SRRM4: variants seen among roughly 807,000 people sequenced by gnomAD.
The protein encoded by SRRM4 is serine/arginine repetitive matrix 4.
Under a neutral mutation model 68.9 loss-of-function variants are expected in SRRM4, and 33 were observed. The observed-to-expected ratio is 0.48, with a 90% CI of 0.36 to 0.64. The LOEUF (loss-of-function observed/expected upper bound fraction) is 0.64, where lower values mean the gene tolerates loss of function less well. Ranked by LOEUF, SRRM4 falls within the 30% of genes least tolerant of loss-of-function variation. SRRM4 has a pLI of 0.00. For synonymous variants in SRRM4, 318 were observed against 318.8 expected (o/e 1.00, Z 0.03); for missense variants, 817 against 827.1 (o/e 0.99, Z 0.15).
At chr12:119,064,815 G>C (rs551471055) in intron 1 of SRRM4, among the ~76,000 whole-genome samples, 8 of 152,134 alleles carry the variant, frequency 5.3e-5, no homozygotes, top group Non-Finnish European at 2.9e-5. Flanking sequence ...ATAAATTTGT[G>C]GAAAAGGGGG....
At chr12:118,985,067 C>G (rs1594013812) in intron 1 of SRRM4, among the ~76,000 whole-genome samples, 1 of 152,292 alleles carries the variant, frequency 6.6e-6, no homozygotes. Context: ...CTTATAGTGG[C>G]CAAAAGGAAA....
intron 1 of SRRM4, among the ~76,000 whole-genome samples, chr12:119,024,752 TC>T (rs879861708): frequency 1.2e-4 from 18 of 152,188 alleles, no homozygotes; most frequent in Admixed American, 2.0e-4. Context: ...TGCCTTAGGA[TC>T]TTTTCCAATC....
chr12:118,990,103 T>G (rs1953307232), intron 1 of SRRM4: 1 of 152,150 alleles, frequency 6.6e-6, no homozygotes, highest in Non-Finnish European at 1.5e-5. Flanking sequence ...AGAAGAGAGG[T>G]GTCTTCAAGA....
At chr12:119,062,885 T>C (rs913159643) in intron 1 of SRRM4, among the ~76,000 whole-genome samples, 1 of 152,230 alleles carries the variant, frequency 6.6e-6, no homozygotes, top group African/African-American at 2.4e-5. Flanking sequence ...TAGTTTCTCA[T>C]ATGCAAAATG....
rs1489304304 is a variant in SRRM4, at chr12:119,077,331, T to C, written c.132-24905T>C. Reference sequence around the variant, plus strand: ...ACACAACTGTCCTAGGTGATTTTGATATAAGTGATCCATGGGCCACACTGA... The same window carrying C: ...ACACAACTGTCCTAGGTGATTTTGACATAAGTGATCCATGGGCCACACTGA... On this transcript the variant is annotated intron_variant, in intron 1 of 12. Transcript: ENST00000267260. 1.2e-4 allele frequency among the ~76,000 whole-genome samples: 19 copies of C among 152,322 alleles called. No individual in the cohort carries two copies. The South Asian group carries it at 3.9e-3, about 32-fold the overall frequency.
chr12:118,998,589 A>G (rs1953364457), intron 1 of SRRM4, among the ~76,000 whole-genome samples: 1 of 152,228 alleles, frequency 6.6e-6, no homozygotes, highest in African/African-American at 2.4e-5. Context: ...ATTTCATTTA[A>G]TGTTATCACT....
At chr12:119,132,103 T>C (rs1954301885) in intron 8 of SRRM4, among the ~76,000 whole-genome samples, 1 of 152,230 alleles carries the variant, frequency 6.6e-6, no homozygotes, top group Non-Finnish European at 1.5e-5. Flanking sequence ...TGGAACCATC[T>C]GCAACTGTCC....
intron 8 of SRRM4, among the ~76,000 whole-genome samples, chr12:119,142,026 T>C (rs1954368434): frequency 6.6e-6 from 1 of 152,132 alleles, no homozygotes; most frequent in Non-Finnish European, 1.5e-5. Context: ...GGAAATGGCA[T>C]GTGCAAATGG....
At chr12:119,034,306 G>A (rs559772883) in intron 1 of SRRM4, among the ~76,000 whole-genome samples, 1 of 152,176 alleles carries the variant, frequency 6.6e-6, no homozygotes, top group African/African-American at 2.4e-5. Context: ...CCTCTTCAGT[G>A]GGAACAGACT....
At chr12:118,998,940 A>G (rs549984273) in intron 1 of SRRM4, among the ~76,000 whole-genome samples, 4 of 152,332 alleles carry the variant, frequency 2.6e-5, no homozygotes, top group African/African-American at 9.6e-5. Flanking sequence ...TGGGGTATAA[A>G]GAGATTTTGT....
At chr12:119,108,065 G>T (rs528403148) in intron 2 of SRRM4, among the ~76,000 whole-genome samples, 2 of 152,012 alleles carry the variant, frequency 1.3e-5, no homozygotes, top group Non-Finnish European at 1.5e-5. Flanking sequence ...CCTTCATTTC[G>T]TTATGTACCC....
chr12:119,130,315 G>T (rs1592910241), intron 7 of SRRM4, among the ~76,000 whole-genome samples: 1 of 151,604 alleles, frequency 6.6e-6, no homozygotes, highest in Admixed American at 6.6e-5. Flanking sequence ...TGGATGGTTA[G>T]ATGGAGGGAT....
intron 1 of SRRM4, among the ~76,000 whole-genome samples, chr12:119,029,245 G>A (rs1183046090): frequency 1.3e-5 from 2 of 152,172 alleles, no homozygotes; most frequent in Non-Finnish European, 2.9e-5. Flanking sequence ...CAAAGGACAA[G>A]GACAGTGATT....
chr12:119,108,729 G>A (rs1371568664), intron 2 of SRRM4, among the ~76,000 whole-genome samples: 5 of 152,040 alleles, frequency 3.3e-5, no homozygotes, highest in African/African-American at 1.2e-4. Context: ...CAGGTGAGAT[G>A]GGTCTCTTGA....
At chr12:119,149,175 C>T (rs1237343982) in intron 9 of SRRM4, among the ~76,000 whole-genome samples, 2 of 152,148 alleles carry the variant, frequency 1.3e-5, no homozygotes, top group Admixed American at 6.5e-5. Flanking sequence ...TGGTGAAACC[C>T]CATTTCTACT....
At chr12:119,156,437 C>T in intron 12 of SRRM4, 58 bp from the exon 13 acceptor site, 1 of 1,509,458 alleles carries the variant, frequency 6.6e-7, no homozygotes, top group Non-Finnish European at 8.9e-7. Flanking sequence ...GACTGGGGCT[C>T]GCTGCGGGGA....
intron 1 of SRRM4, 100 bp downstream of exon 1, chr12:118,982,113 G>A (rs745455436): frequency 2.8e-6 from 4 of 1,438,478 alleles, no homozygotes; most frequent in Non-Finnish European, 3.7e-6. Context: ...GGGCCAGGGC[G>A]CCTGTCTTTT....
intron 1 of SRRM4, among the ~76,000 whole-genome samples, chr12:119,060,290 T>C (rs1303499307): frequency 6.6e-6 from 1 of 150,950 alleles, no homozygotes; most frequent in East Asian, 2.0e-4. Flanking sequence ...ATGAACAAAA[T>C]AGGAGAAAAT....
At chr12:119,032,753 G>C (rs1953599831) in intron 1 of SRRM4, among the ~76,000 whole-genome samples, 1 of 152,126 alleles carries the variant, frequency 6.6e-6, no homozygotes, top group Non-Finnish European at 1.5e-5. Context: ...TCTTACTCTA[G>C]AGTGGCCAAG....
Sources: allele counts gnomAD v4.1 joint callset (sites outside exome capture counted in the v4.1 genomes callset), GRCh38; gene constraint gnomAD v4.1.1; transcripts MANE v1.5; gene names NCBI Gene and HGNC (gene_info 2026-07-23, HGNC 2026-07-21).